SDHA: variants seen among roughly 807,000 people sequenced by gnomAD.
SDHA encodes the protein succinate dehydrogenase complex flavoprotein subunit A.
SDHA carries 48 observed loss-of-function variants against 78.4 expected under a neutral mutation model. That is an observed-to-expected ratio of 0.61 (90% confidence interval 0.49 to 0.78). The LOEUF is 0.78. Among genes scored for constraint, SDHA ranks in the 30% least tolerant of loss-of-function variants. The pLI, the probability that SDHA is intolerant of heterozygous loss-of-function variation, is 0.00. For synonymous variants in SDHA, 326 were observed against 353.9 expected (o/e 0.92, Z 0.88); for missense variants, 680 against 892.7 (o/e 0.76, Z 3.04).
intron 10 of SDHA, among the ~76,000 whole-genome samples, chr5:237,130 T>A (rs1403794393): frequency 2.2e-5 from 3 of 134,940 alleles, no homozygotes; most frequent in Non-Finnish European, 4.5e-5. Flanking sequence ...GGGGTTACAT[T>A]TTTTTTTAAT....
Position 251,401 on chromosome 5 carries a change from T to C in SDHA, c.1727T>C (p.Leu576Pro), listed in dbSNP as rs1318046349. Residue 576 changes from leucine (L) to proline (P), a missense_variant, in exon 13 of 15, where the codon CTG becomes CCG. Coordinates refer to ENST00000264932, the MANE Select transcript of SDHA (RefSeq NM_004168.4). ...CTGCAGAACCTGATGCTGTGTGCGC[T>C]GCAGACCATCTACGGAGCAGAGGCA... ...LELQNLMLCA[L>P]QTIYGAEARK... 19 of 1,613,806 alleles carry C rather than the reference T, an allele frequency of 1.2e-5. No homozygotes were observed. The highest frequency in any genetic ancestry group is 2.2e-5 in the East Asian group (1 of 44,894).
At position 246,102 on chromosome 5, in the gene SDHA, C is replaced by T. The variant is rs1303418494; in HGVS notation, c.1552-4890C>T. On this transcript the variant is annotated intron_variant, in intron 11 of 14. Coordinates refer to ENST00000264932, the MANE Select transcript of SDHA (RefSeq NM_004168.4). ...AAATAGAACAGATCCAGAGAAGACTCGAGCTGCAGCTGATCGAAAAGCAAG... is the reference window on the plus strand; with the variant it reads ...AAATAGAACAGATCCAGAGAAGACTTGAGCTGCAGCTGATCGAAAAGCAAG... 2.6e-5 allele frequency among the ~76,000 whole-genome samples: 4 copies of T among 151,926 alleles called. No homozygotes were observed. The South Asian group carries it at 6.2e-4, about 24-fold the overall frequency.
chr5:233,867 C>G lies in SDHA; in HGVS notation c.1064+222C>G, dbSNP rs181400372. 8.6e-3 allele frequency: 4,515 copies of G among 526,172 alleles called. 29 individuals carry two copies. The highest frequency in any genetic ancestry group is 0.012 in the South Asian group (622 of 49,938). The allele number at this position is 526,172 out of a possible 1,614,324, so 32.6% of individuals were successfully genotyped here. On this transcript the variant is annotated intron_variant, in intron 8 of 14. Coordinates refer to ENST00000264932, the MANE Select transcript of SDHA (RefSeq NM_004168.4). ...TTCTCAAATCTGTGGAACAGAGTTT[C>G]TCTTAGTGTGTGTGAGTATGTGACG...
the SDHA span, among the ~76,000 whole-genome samples, chr5:262,372 T>G: frequency 9.2e-5 from 13 of 141,940 alleles, 2 homozygotes; most frequent in South Asian, 2.2e-4. Flanking sequence ...CCGTGTGAGC[T>G]CCGCCTCCTG....
chr5:249,820 C>G (rs1462172313), intron 11 of SDHA: 1 of 152,134 alleles, frequency 6.6e-6, no homozygotes, highest in Non-Finnish European at 1.5e-5. Context: ...GGAATAGATA[C>G]AATTGTCATT....
chr5:237,738 G>A (rs1735870081), intron 10 of SDHA, among the ~76,000 whole-genome samples: 1 of 135,180 alleles, frequency 7.4e-6, no homozygotes, highest in Non-Finnish European at 1.5e-5. Context: ...ATAAAAACTA[G>A]CACGGCTGTA....
Position 223,551 on chromosome 5 carries a change from G to C in SDHA, c.133G>C (p.Ala45Pro), listed in dbSNP as rs140736646. 5 of 1,613,410 alleles carry C rather than the reference G, an allele frequency of 3.1e-6. No individual in the cohort carries two copies. Among genetic ancestry groups the C allele is most frequent in the Non-Finnish European group, 4.2e-6 (5 of 1,179,336 alleles). ...FTVDGNKRAS[A>P]KVSDSISAQY... ...TGTTGATGGGAACAAGAGGGCATCTGCTAAAGTTTCAGATTCCGTAAGTTC... is the reference window on the plus strand; with the variant it reads ...TGTTGATGGGAACAAGAGGGCATCTCCTAAAGTTTCAGATTCCGTAAGTTC... The change falls in exon 2 of 15, where the codon GCT becomes CCT. Residue 45 changes from alanine to proline, a missense_variant. By Grantham distance (27) the Ala-to-Pro change is conservative (BLOSUM62 -1). Transcript: ENST00000264932.
intron 11 of SDHA, among the ~76,000 whole-genome samples, chr5:241,529 G>A (rs10051065): frequency 0.24 from 36,662 of 152,116 alleles, 6,865 homozygotes; most frequent in African/African-American, 0.53. Context: ...GAAATGTTCC[G>A]AGTGTTTGCC....
downstream of SDHA, among the ~76,000 whole-genome samples, chr5:259,122 G>A (rs1452022440): frequency 2.5e-5 from 1 of 40,668 alleles, no homozygotes; most frequent in African/African-American, 2.2e-4. Context: ...CCTCCCGTCC[G>A]AGCATTACCG....
chr5:233,511 A>G lies in SDHA; in HGVS notation c.930A>G (p.Gly310=). 1 of 1,614,204 alleles carries G rather than the reference A, an allele frequency of 6.2e-7. No individual in the cohort carries two copies. The highest frequency in any genetic ancestry group is 8.5e-7 in the Non-Finnish European group (1 of 1,180,028). ...IYGAGCLITE[G]CRGEGGILIN... Reference sequence around the variant, plus strand: ...GTGCTGGTTGTCTCATTACGGAAGGATGTCGTGGAGAGGGAGGCATTCTCA... The same window carrying G: ...GTGCTGGTTGTCTCATTACGGAAGGGTGTCGTGGAGAGGGAGGCATTCTCA... Residue 310 remains glycine, a synonymous_variant, in exon 8 of 15, where the codon GGA becomes GGG. Coordinates refer to ENST00000264932, the MANE Select transcript of SDHA (RefSeq NM_004168.4).
chr5:266,517 AC>A, the SDHA span, among the ~76,000 whole-genome samples: 1 of 152,252 alleles, frequency 6.6e-6, no homozygotes, highest in African/African-American at 2.4e-5. Flanking sequence ...TCCATGGAGT[AC>A]TATATGAGTC....
intron 7 of SDHA, among the ~76,000 whole-genome samples, chr5:232,723 T>G (rs1260050568): frequency 6.6e-6 from 1 of 151,616 alleles, no homozygotes; most frequent in East Asian, 1.9e-4. Flanking sequence ...TTGCCCTTTT[T>G]GTATACTAAT....
At chr5:221,367 C>T (rs1289599217) in intron 1 of SDHA, among the ~76,000 whole-genome samples, 8 of 152,146 alleles carry the variant, frequency 5.3e-5, no homozygotes, top group Non-Finnish European at 7.4e-5. Context: ...CTTAAACTAC[C>T]CTGCTTCCGC....
Position 256,368 on chromosome 5 carries a change from C to G in SDHA, c.1943C>G (p.Thr648Ser), listed in dbSNP as rs1420345359. Residue 648 changes from threonine to serine, a missense_variant, in exon 15 of 15, where the codon ACT (threonine) becomes AGT (serine). Physicochemically the swap from Thr to Ser is moderately conservative, Grantham distance 58. Coordinates refer to ENST00000264932, the MANE Select transcript of SDHA (RefSeq NM_004168.4). ...GAATATAGACCCGTGATCGACAAAA[C>G]TTTGAACGAGGCTGACTGTGCCACC... ...TLEYRPVIDK[T>S]LNEADCATVP... is the part of the protein sequence containing the mutation. 3 of 1,602,008 alleles carry G rather than the reference C, an allele frequency of 1.9e-6. No homozygotes were observed. The highest frequency in any genetic ancestry group is 2.6e-6 in the Non-Finnish European group (3 of 1,172,438).
intron 12 of SDHA, 115 bp downstream of exon 12, chr5:251,218 G>C: frequency 6.7e-7 from 1 of 1,483,152 alleles, no homozygotes; most frequent in South Asian, 1.1e-5. Flanking sequence ...GATGGGTCCT[G>C]GCCCACAGCT....
chr5:237,024 A>C (rs1358222350), intron 10 of SDHA, among the ~76,000 whole-genome samples: 3 of 141,412 alleles, frequency 2.1e-5, no homozygotes, highest in East Asian at 1.9e-4. Context: ...TTTCCCCCAG[A>C]AGTGATTAAA....
At chr5:226,485 A>G (rs914172391) in intron 5 of SDHA, among the ~76,000 whole-genome samples, 3 of 152,140 alleles carry the variant, frequency 2.0e-5, no homozygotes, top group African/African-American at 4.8e-5. Context: ...TTTAAAAATT[A>G]GCTGGGCATG....
At chr5:250,480 TGGGCCAA>T (rs1736740303) in intron 11 of SDHA, 1 of 224,926 alleles carries the variant, frequency 4.4e-6, no homozygotes, top group Admixed American at 5.2e-5. Context: ...AGTAGCCAGA[TGGGCCAA>T]GGGCCCCAGC....
At chr5:243,105 A>G (rs1736244738) in intron 11 of SDHA, among the ~76,000 whole-genome samples, 1 of 152,196 alleles carries the variant, frequency 6.6e-6, no homozygotes, top group South Asian at 2.1e-4. Flanking sequence ...CTATTCAGGC[A>G]GGAATTCAGC....
Sources: allele counts gnomAD v4.1 joint callset (sites outside exome capture counted in the v4.1 genomes callset), GRCh38; gene constraint gnomAD v4.1.1; transcripts MANE v1.5; gene names NCBI Gene and HGNC (gene_info 2026-07-23, HGNC 2026-07-21).